The following AP1S3 variants were observed in gnomAD, a reference collection of about 807,000 sequenced individuals.
AP1S3 encodes the protein AP-1 complex subunit sigma-3.
In AP1S3, 10 loss-of-function variants were observed where a neutral mutation model predicts 20.9. The observed-to-expected ratio is 0.48, with a 90% CI of 0.29 to 0.81. The LOEUF (loss-of-function observed/expected upper bound fraction) is 0.81, where lower values mean the gene tolerates loss of function less well. Ranked by LOEUF, AP1S3 falls within the 30% of genes least tolerant of loss-of-function variation. AP1S3 has a pLI of 0.08. For synonymous variants in AP1S3, 41 were observed against 61.5 expected, an observed-to-expected ratio of 0.67 and a Z score of 1.56; for missense variants, 154 against 183.8, an observed-to-expected ratio of 0.84 and a Z score of 0.94.
chr2:223,784,297 T>C (rs1045826075), intron 1 of AP1S3, among the ~76,000 whole-genome samples: 4 of 152,118 alleles, frequency 2.6e-5, no homozygotes, highest in African/African-American at 9.7e-5. Context: ...TGCCCCCATA[T>C]TCCCAGTCTC....
chr2:223,825,091 C>T (rs1294797310), intron 1 of AP1S3, among the ~76,000 whole-genome samples: 1 of 151,578 alleles, frequency 6.6e-6, no homozygotes, highest in Non-Finnish European at 1.5e-5. Context: ...GGGCGGAGCA[C>T]GAGGTCAGGA....
At chr2:223,762,566 C>T (rs565817019) in intron 4 of AP1S3, among the ~76,000 whole-genome samples, 1 of 152,264 alleles carries the variant, frequency 6.6e-6, no homozygotes, top group East Asian at 1.9e-4. Context: ...AGCCACCACG[C>T]CCAGACAGAG....
chr2:223,829,225 T>A (rs1329082553), intron 1 of AP1S3, among the ~76,000 whole-genome samples: 1 of 152,214 alleles, frequency 6.6e-6, no homozygotes, highest in East Asian at 1.9e-4. Context: ...ATTTGTCCAA[T>A]ATACCTATGA....
At chr2:223,825,409 T>G (rs534949265) in intron 1 of AP1S3, among the ~76,000 whole-genome samples, 58 of 152,234 alleles carry the variant, frequency 3.8e-4, no homozygotes, top group Non-Finnish European at 6.0e-4. Context: ...CTTTCTTTAT[T>G]CTACTCACTG....
At chr2:223,798,930 G>T (rs961838632) in intron 1 of AP1S3, among the ~76,000 whole-genome samples, 1 of 152,074 alleles carries the variant, frequency 6.6e-6, no homozygotes, top group African/African-American at 2.4e-5. Context: ...AAATTAGCTG[G>T]GTGTGGTAGC....
chr2:223,831,426 G>A (rs1006596126), intron 1 of AP1S3, among the ~76,000 whole-genome samples: 1 of 152,218 alleles, frequency 6.6e-6, no homozygotes, highest in South Asian at 2.1e-4. Context: ...GAGCCACCGT[G>A]CCCGGTCAAG....
intron 1 of AP1S3, among the ~76,000 whole-genome samples, chr2:223,801,626 G>T (rs1249452565): frequency 6.6e-6 from 1 of 152,070 alleles, no homozygotes; most frequent in Non-Finnish European, 1.5e-5. Flanking sequence ...TGTATTTTCA[G>T]TAGAGTGGGG....
rs139659390 is a variant in AP1S3, at chr2:223,786,349, C to G, written c.4-8480G>C. The stretch of plus-strand genomic sequence containing the variant: ...CAATAAACTGAAGAAAGTGAAAGGG[C>G]AAGAAAGTGCGAACCTACAGTTTAG... On this transcript the variant is annotated intron_variant, in intron 1 of 4. Coordinates refer to ENST00000396654, the MANE Select transcript of AP1S3 (RefSeq NM_001039569.2). Among the ~76,000 whole-genome samples the G allele has an allele frequency of 2.4e-3, 366 of 152,188 alleles. 3 individuals carry two copies. Among genetic ancestry groups the G allele is most frequent in the Non-Finnish European group, 4.0e-3 (272 of 67,996 alleles).
At chr2:223,814,519 G>A (rs982811845) in intron 1 of AP1S3, among the ~76,000 whole-genome samples, 13 of 152,220 alleles carry the variant, frequency 8.5e-5, no homozygotes, top group Non-Finnish European at 1.5e-4. Context: ...GACCATTCCT[G>A]GCCCTCCAGG....
At chr2:223,799,200 C>T (rs1350253036) in intron 1 of AP1S3, among the ~76,000 whole-genome samples, 11 of 141,980 alleles carry the variant, frequency 7.7e-5, no homozygotes, top group Non-Finnish European at 1.4e-4. Flanking sequence ...AAGGGAAATT[C>T]GGGCCTAGAC....
At chr2:223,780,276 AATATATATATATATAT>A (rs138804582) in intron 1 of AP1S3, among the ~76,000 whole-genome samples, 2 of 24,384 alleles carry the variant, frequency 8.2e-5, no homozygotes, top group Non-Finnish European at 7.3e-5. Context: ...ATGCCTGGCT[AATATATATATATATAT>A]ATATATATAT....
At position 223,757,841 on chromosome 2, in the gene AP1S3, T is replaced by C; in HGVS notation, c.*874A>G. On this transcript the variant is annotated 3_prime_UTR_variant, in exon 5 of 5. Transcript: ENST00000396654. ...CATTAGAGATACATTAAAACATATT[T>C]GAAATGAAATTTCCAGCATCTAAGA... 3 of 985,320 alleles carry C rather than the reference T, an allele frequency of 3.0e-6. No individual in the cohort carries two copies. Among genetic ancestry groups the C allele is most frequent in the Middle Eastern group, 5.2e-4 (1 of 1,914 alleles). The allele number at this position is 985,320 out of a possible 1,614,324, so 61.0% of individuals were successfully genotyped here. A position where few individuals can be genotyped will look rare whatever the true frequency, so the allele number is the denominator to read the frequency against.
chr2:223,758,495 T>C lies in AP1S3; in HGVS notation c.*220A>G, dbSNP rs1351032251. The C allele has an allele frequency of 1.6e-6, 2 of 1,220,860 alleles. No individual in the cohort carries two copies. Among genetic ancestry groups the C allele is most frequent in the Admixed American group, 4.3e-5 (1 of 23,178 alleles). The allele number at this position is 1,220,860 out of a possible 1,614,324, so 75.6% of individuals were successfully genotyped here. A position where few individuals can be genotyped will look rare whatever the true frequency, so the allele number is the denominator to read the frequency against. ...TACTTTAAACATTTAGAGCTACAAG[T>C]ACCTATACAGTATAACACAGACACA... On this transcript the variant is annotated 3_prime_UTR_variant, in exon 5 of 5. Transcript: ENST00000396654.
intron 1 of AP1S3, among the ~76,000 whole-genome samples, chr2:223,827,215 T>C (rs1692149925): frequency 6.6e-6 from 1 of 152,204 alleles, no homozygotes; most frequent in African/African-American, 2.4e-5. Flanking sequence ...TCTTATGTAG[T>C]GGACTTAGAA....
intron 1 of AP1S3, among the ~76,000 whole-genome samples, chr2:223,826,355 G>T (rs192355201): frequency 2.0e-4 from 31 of 152,212 alleles, no homozygotes; most frequent in Non-Finnish European, 3.4e-4. Context: ...CAATTTGGGA[G>T]GCCAAGGCGG....
At chr2:223,783,341 C>T (rs758758562) in intron 1 of AP1S3, among the ~76,000 whole-genome samples, 11 of 152,080 alleles carry the variant, frequency 7.2e-5, no homozygotes, top group Non-Finnish European at 1.2e-4. Flanking sequence ...TTCTGCCAGC[C>T]GCCATTTTGA....
rs1241046688 is a variant in AP1S3, at chr2:223,765,354, G to C, written c.292-4C>G. 1 of 1,603,588 alleles carries C rather than the reference G, an allele frequency of 6.2e-7. No individual in the cohort carries two copies. The highest frequency in any genetic ancestry group is 8.5e-7 in the Non-Finnish European group (1 of 1,176,812). ...AGATAATATCCAGCTCACAGACCTG[G>C]TGGGACAAAAACAAACGTTTTGATA... On this transcript the variant is annotated splice_region_variant and splice_polypyrimidine_tract_variant and intron_variant, in intron 3 of 4. Transcript: ENST00000396654.
chr2:223,761,319 A>G (rs1330679296), intron 4 of AP1S3, among the ~76,000 whole-genome samples: 1 of 152,168 alleles, frequency 6.6e-6, no homozygotes, highest in Non-Finnish European at 1.5e-5. Context: ...AGCTGTTAAC[A>G]TGGTTTACGC....
At chr2:223,810,025 CT>C (rs2106117630) in intron 1 of AP1S3, among the ~76,000 whole-genome samples, 1 of 152,146 alleles carries the variant, frequency 6.6e-6, no homozygotes, top group Non-Finnish European at 1.5e-5. Context: ...CGTGCCCGGC[CT>C]ATTTTACTTT....
Sources: allele counts gnomAD v4.1 joint callset (sites outside exome capture counted in the v4.1 genomes callset), GRCh38; gene constraint gnomAD v4.1.1; transcripts MANE v1.5; gene names NCBI Gene and HGNC (gene_info 2026-07-23, HGNC 2026-07-21).